Variants in PCNP observed in about 807,000 individuals in gnomAD.
PCNP encodes the protein PEST proteolytic signal-containing nuclear protein.
PCNP carries 6 observed loss-of-function variants against 21.8 expected under a neutral mutation model. The ratio of observed to expected loss-of-function variants is 0.28; its 90% CI spans 0.15 to 0.54. PCNP has a LOEUF of 0.54. Ranked by LOEUF, PCNP falls within the 20% of genes least tolerant of loss-of-function variation. The pLI is 0.95. For missense variants in PCNP, 161 were observed against 215.5 expected (o/e 0.75, Z 1.58); for synonymous variants, 67 against 73.2 (o/e 0.92, Z 0.43).
rs1342787162 is a variant in PCNP, at chr3:101,574,274, C to A, written c.59C>A (p.Ala20Asp). 3.2e-6 allele frequency: 5 copies of A among 1,545,356 alleles called. No individual in the cohort carries two copies. The highest frequency in any genetic ancestry group is 4.4e-6 in the Non-Finnish European group (5 of 1,143,538). ...KPEKSQRAGAAGGPEEEAEKP... is the reference protein window; with the variant it reads ...KPEKSQRAGADGGPEEEAEKP... Reference sequence around the variant, plus strand: ...GAAAAGTCGCAGCGAGCTGGAGCCGCCGGAGGTGAACACAACCCCAGCGTC... The same window carrying A: ...GAAAAGTCGCAGCGAGCTGGAGCCGACGGAGGTGAACACAACCCCAGCGTC... The change falls in exon 1 of 5, where the codon GCC becomes GAC. Residue 20 changes from alanine (A) to aspartate (D), a missense_variant. Physicochemically the swap from Ala to Asp is moderately radical, Grantham distance 126. Transcript: ENST00000265260.
intron 3 of PCNP, among the ~76,000 whole-genome samples, chr3:101,587,036 C>G (rs1480450768): frequency 6.6e-6 from 1 of 151,948 alleles, no homozygotes; most frequent in Non-Finnish European, 1.5e-5. Context: ...GGCGGATCAC[C>G]TGAAGTCAGG....
At chr3:101,574,312 G>T (rs1463444825) in intron 1 of PCNP, 33 bp downstream of exon 1, 3 of 1,523,922 alleles carry the variant, frequency 2.0e-6, no homozygotes, top group Non-Finnish European at 2.7e-6. Flanking sequence ...GGGCAGCGTG[G>T]GATGCTCCGG....
intron 3 of PCNP, among the ~76,000 whole-genome samples, chr3:101,586,741 G>A (rs1324740128): frequency 1.3e-5 from 2 of 151,938 alleles, no homozygotes; most frequent in African/African-American, 4.8e-5. Context: ...TGGACCACAG[G>A]CATGCCCCAC....
At position 101,574,230 on chromosome 3, in the gene PCNP, G is replaced by A. The variant is rs781065361; in HGVS notation, c.15G>A (p.Lys5=). 21 of 1,549,734 alleles carry A rather than the reference G, an allele frequency of 1.4e-5. 1 individual carries two copies. The highest frequency in any genetic ancestry group is 1.1e-4 in the South Asian group (9 of 83,882). The change falls in exon 1 of 5, where the codon AAG becomes AAA. Residue 5 remains lysine (K), a synonymous_variant. Coordinates refer to ENST00000265260, the MANE Select transcript of PCNP (RefSeq NM_020357.3). MADG[K]AGDEKPEKSQ... ...CGGCGGGGAAAATGGCGGACGGGAAGGCGGGAGACGAGAAGCCTGAAAAGT... is the reference window on the plus strand; with the variant it reads ...CGGCGGGGAAAATGGCGGACGGGAAAGCGGGAGACGAGAAGCCTGAAAAGT...
chr3:101,581,649 G>A (rs1301723254), intron 2 of PCNP, among the ~76,000 whole-genome samples: 1 of 151,980 alleles, frequency 6.6e-6, no homozygotes, highest in Non-Finnish European at 1.5e-5. Flanking sequence ...GGCCAGGCTG[G>A]TCTCAAACTC....
At chr3:101,574,179 C>T (rs1485872961), upstream of PCNP, 1 of 1,546,222 alleles carries the variant, frequency 6.5e-7, no homozygotes, top group East Asian at 2.5e-5. Flanking sequence ...GTCGTGACGT[C>T]CTTGGCGTGG....
At chr3:101,582,032 G>A (rs938707815) in intron 2 of PCNP, among the ~76,000 whole-genome samples, 10 of 151,594 alleles carry the variant, frequency 6.6e-5, no homozygotes, top group Non-Finnish European at 1.5e-5. Context: ...GAGCCACCAC[G>A]CCCGGCCTAC....
intron 2 of PCNP, 61 bp downstream of exon 2, chr3:101,580,065 T>C (rs1935143667): frequency 7.6e-6 from 9 of 1,190,470 alleles, no homozygotes; most frequent in Non-Finnish European, 1.1e-5. Flanking sequence ...TTTGGAAACG[T>C]GGCGTTTACT....
At chr3:101,586,571 T>TGTGTGTGTGAGAGAGA in intron 3 of PCNP, among the ~76,000 whole-genome samples, 1 of 114,200 alleles carries the variant, frequency 8.8e-6, no homozygotes, top group African/African-American at 3.0e-5. Context: ...TGTGTGTGTG[T>TGTGTGTGTGAGAGAGA]GAGAGAGAGA....
intron 1 of PCNP, among the ~76,000 whole-genome samples, chr3:101,579,341 A>T (rs1426302044): frequency 6.6e-6 from 1 of 152,162 alleles, no homozygotes; most frequent in African/African-American, 2.4e-5. Context: ...GTTTATAACT[A>T]GGTACTTTGT....
chr3:101,587,766 C>G (rs1254803698), intron 3 of PCNP, among the ~76,000 whole-genome samples: 1 of 151,742 alleles, frequency 6.6e-6, no homozygotes, highest in Non-Finnish European at 1.5e-5. Flanking sequence ...AAATCAGGTA[C>G]CATTTGATTC....
rs75914617 is a variant in PCNP, at chr3:101,580,792, C to T, written c.279+788C>T. Among the ~76,000 whole-genome samples, 838 of 152,184 alleles carry T rather than the reference C, an allele frequency of 5.5e-3. 5 individuals are homozygous for T. Among genetic ancestry groups the T allele is most frequent in the African/African-American group, 0.017 (726 of 41,514 alleles). ...GAAGTTGTAGATACTTGTTTCTGAC[C>T]TATAATATGAAAATTTCATAACCTT... On this transcript the variant is annotated intron_variant, in intron 2 of 4. Coordinates refer to ENST00000265260, the MANE Select transcript of PCNP (RefSeq NM_020357.3).
intron 1 of PCNP, among the ~76,000 whole-genome samples, chr3:101,578,340 A>AT (rs1382194816): frequency 2.6e-5 from 4 of 152,250 alleles, no homozygotes; most frequent in African/African-American, 9.6e-5. Flanking sequence ...AACTGTTTGC[A>AT]TCATACTCTT....
In PCNP at chr3:101,591,244, T is replaced by A. The variant is rs1935787435; in HGVS notation, c.410+974T>A. Among the ~76,000 whole-genome samples the A allele has an allele frequency of 2.0e-5, 3 of 152,348 alleles. No homozygotes were observed. In the South Asian group the frequency reaches 6.2e-4, roughly 32 times the overall value. On this transcript the variant is annotated intron_variant, in intron 4 of 4. Transcript: ENST00000265260. The stretch of plus-strand genomic sequence containing the variant: ...TTTTAAGTTAACACGATGTGCAGTT[T>A]CCTGTCTTTGTGTGCATTAATGGAT...
intron 1 of PCNP, 188 bp from the exon 2 acceptor site, chr3:101,579,602 G>C (rs1214188329): frequency 2.8e-6 from 2 of 711,182 alleles, no homozygotes; most frequent in Middle Eastern, 2.3e-4. Context: ...ATTCATGGGA[G>C]CCTCTTCTAC....
intron 2 of PCNP, among the ~76,000 whole-genome samples, chr3:101,584,297 G>A (rs1351144745): frequency 1.3e-5 from 2 of 152,124 alleles, no homozygotes; most frequent in Non-Finnish European, 2.9e-5. Flanking sequence ...CTGGTTGTCT[G>A]CTAATTTAAA....
chr3:101,585,739 A>C (rs945526883), intron 3 of PCNP, among the ~76,000 whole-genome samples: 1 of 152,244 alleles, frequency 6.6e-6, no homozygotes, highest in African/African-American at 2.4e-5. Context: ...GGATGAAATC[A>C]GCAAATGTTT....
intron 4 of PCNP, 105 bp downstream of exon 4, chr3:101,590,375 C>T (rs1461018524): frequency 1.5e-6 from 1 of 665,210 alleles, no homozygotes; most frequent in African/African-American, 1.8e-5. Flanking sequence ...TGCATTTGGG[C>T]AGAACAGTTT....
At chr3:101,587,008 C>CT (rs1412552732) in intron 3 of PCNP, among the ~76,000 whole-genome samples, 1 of 152,126 alleles carries the variant, frequency 6.6e-6, no homozygotes, top group Non-Finnish European at 1.5e-5. Flanking sequence ...AATCCCAACA[C>CT]TTTGGGAGGC....
Sources: allele counts gnomAD v4.1 joint callset (sites outside exome capture counted in the v4.1 genomes callset), GRCh38; gene constraint gnomAD v4.1.1; transcripts MANE v1.5; gene names NCBI Gene and HGNC (gene_info 2026-07-23, HGNC 2026-07-21).